GRM8: variants seen among roughly 807,000 people sequenced by gnomAD.
The protein encoded by GRM8 is metabotropic glutamate receptor 8.
Under a neutral mutation model 87.2 loss-of-function variants are expected in GRM8, and 47 were observed. The ratio of observed to expected loss-of-function variants is 0.54; its 90% CI spans 0.43 to 0.69. The LOEUF (loss-of-function observed/expected upper bound fraction) is 0.69, where lower values mean the gene tolerates loss of function less well. GRM8 is among the 30% of genes least tolerant of loss of function. GRM8 has a pLI of 0.00. For synonymous variants in GRM8, 396 were observed against 404.5 expected (o/e 0.98, Z 0.25); for missense variants, 1,019 against 1,139.2 (o/e 0.89, Z 1.52).
intron 9 of GRM8, among the ~76,000 whole-genome samples, chr7:126,496,754 G>A (rs1347110738): frequency 6.6e-6 from 1 of 151,910 alleles, no homozygotes; most frequent in South Asian, 2.1e-4. Context: ...AGAACTAGTA[G>A]GATGGTTGTA....
chr7:127,127,596 T>C (rs1827440077), intron 2 of GRM8, among the ~76,000 whole-genome samples: 2 of 152,050 alleles, frequency 1.3e-5, no homozygotes, highest in South Asian at 2.1e-4. Flanking sequence ...TAACCTACAG[T>C]GAGAAAATAG....
chr7:126,439,856 G>GTGTGTGTGTGTGTGTGTC (rs757319327), intron 10 of GRM8, among the ~76,000 whole-genome samples: 1 of 151,096 alleles, frequency 6.6e-6, no homozygotes, highest in Non-Finnish European at 1.5e-5. Flanking sequence ...GTGTGTGTGT[G>GTGTGTGTGTGTGTGTGTC]TCTTAGTTTT....
In GRM8 at chr7:126,462,857, AT is replaced by A. The variant is rs368263863; in HGVS notation, c.2431-16486del. On this transcript the variant is annotated intron_variant, in intron 9 of 10. Transcript: ENST00000339582. ...TACCAAGCAACTTTATAAATGTAGCATTTTACCAAGATGACACTCAGGAGAA... is the reference window on the plus strand; with the variant it reads ...TACCAAGCAACTTTATAAATGTAGCATTTACCAAGATGACACTCAGGAGAA... Among the ~76,000 whole-genome samples, 78 of 151,664 alleles carry A rather than the reference AT, an allele frequency of 5.1e-4. 1 individual carries two copies. In the South Asian group the frequency reaches 0.016, roughly 31 times the overall value.
chr7:126,572,919 C>T (rs1309495152), intron 8 of GRM8, among the ~76,000 whole-genome samples: 3 of 152,038 alleles, frequency 2.0e-5, no homozygotes, highest in Non-Finnish European at 2.9e-5. Flanking sequence ...GAGAAAGACA[C>T]AGAGAGAATG....
intron 6 of GRM8, among the ~76,000 whole-genome samples, chr7:126,866,293 A>T (rs1798581968): frequency 6.6e-6 from 1 of 151,226 alleles, no homozygotes; most frequent in Non-Finnish European, 1.5e-5. Flanking sequence ...GAGTTGTAAT[A>T]GTTCTTTATA....
chr7:126,820,168 T>C, intron 6 of GRM8, among the ~76,000 whole-genome samples: 1 of 152,182 alleles, frequency 6.6e-6, no homozygotes, highest in East Asian at 1.9e-4. Flanking sequence ...AGAAAGAAAG[T>C]AAAAATGCAA....
chr7:127,025,093 C>A (rs192315656), intron 3 of GRM8, among the ~76,000 whole-genome samples: 4 of 152,182 alleles, frequency 2.6e-5, no homozygotes, highest in East Asian at 3.9e-4. Context: ...TTGGCCAAAT[C>A]CTATAGCTTC....
intron 2 of GRM8, among the ~76,000 whole-genome samples, chr7:127,182,819 TCTAA>T: frequency 1.3e-5 from 2 of 151,866 alleles, no homozygotes; most frequent in East Asian, 3.9e-4. Flanking sequence ...CACCATATGT[TCTAA>T]CTAATATGTC....
chr7:126,635,097 T>C (rs1318714086), intron 7 of GRM8, among the ~76,000 whole-genome samples: 1 of 152,182 alleles, frequency 6.6e-6, no homozygotes, highest in Non-Finnish European at 1.5e-5. Context: ...AAAAGTGCTA[T>C]ATGTTGTCAA....
intron 6 of GRM8, among the ~76,000 whole-genome samples, chr7:126,828,439 C>G (rs951411780): frequency 9.9e-5 from 15 of 152,006 alleles, no homozygotes; most frequent in Admixed American, 2.6e-4. Flanking sequence ...GTTTAGTCTT[C>G]GGAGGGTGTA....
At chr7:127,011,934 C>A (rs1814937819) in intron 3 of GRM8, among the ~76,000 whole-genome samples, 2 of 152,124 alleles carry the variant, frequency 1.3e-5, no homozygotes, top group Admixed American at 6.5e-5. Flanking sequence ...CTTGAGCTGG[C>A]AAATACTAAT....
chr7:126,931,373 C>G (rs1805752432), intron 3 of GRM8, among the ~76,000 whole-genome samples: 1 of 152,104 alleles, frequency 6.6e-6, no homozygotes, highest in African/African-American at 2.4e-5. Flanking sequence ...TAATCCTTAC[C>G]TGAGGCATGC....
chr7:126,514,857 T>G (rs1428213889), intron 9 of GRM8, among the ~76,000 whole-genome samples: 1 of 152,082 alleles, frequency 6.6e-6, no homozygotes, highest in East Asian at 1.9e-4. Flanking sequence ...TCTAAGAATT[T>G]TTTAGTATTA....
intron 6 of GRM8, among the ~76,000 whole-genome samples, chr7:126,801,860 A>G (rs1173671856): frequency 6.6e-6 from 1 of 152,078 alleles, no homozygotes; most frequent in Non-Finnish European, 1.5e-5. Flanking sequence ...TGCTTTGTAC[A>G]CTTTCTCAAC....
intron 7 of GRM8, among the ~76,000 whole-genome samples, chr7:126,648,500 T>C (rs1803429505): frequency 6.6e-6 from 1 of 152,232 alleles, no homozygotes; most frequent in African/African-American, 2.4e-5. Flanking sequence ...ATGATTCCTC[T>C]GTGGTCTGTA....
chr7:126,752,239 T>A (rs1038430317), intron 7 of GRM8, among the ~76,000 whole-genome samples: 3 of 152,100 alleles, frequency 2.0e-5, no homozygotes. Context: ...AAGGCAGTAG[T>A]GCACTATAGT....
chr7:127,086,539 A>T (rs939578013), intron 3 of GRM8, among the ~76,000 whole-genome samples: 3 of 152,128 alleles, frequency 2.0e-5, no homozygotes, highest in Non-Finnish European at 2.9e-5. Flanking sequence ...CTCTGTCTAC[A>T]TGCACCTCCC....
chr7:126,734,732 T>C (rs940496664), intron 7 of GRM8, among the ~76,000 whole-genome samples: 5 of 152,002 alleles, frequency 3.3e-5, no homozygotes, highest in African/African-American at 1.2e-4. Context: ...AAGCTTACTA[T>C]GGCTATTTTA....
intron 9 of GRM8, among the ~76,000 whole-genome samples, chr7:126,523,886 T>G (rs1420560738): frequency 6.6e-6 from 1 of 152,162 alleles, no homozygotes; most frequent in East Asian, 1.9e-4. Flanking sequence ...AGATAATATT[T>G]GTTTGTATAA....
Sources: allele counts gnomAD v4.1 joint callset (sites outside exome capture counted in the v4.1 genomes callset), GRCh38; gene constraint gnomAD v4.1.1; transcripts MANE v1.5; gene names NCBI Gene and HGNC (gene_info 2026-07-23, HGNC 2026-07-21).